The following CLNK variants were observed in gnomAD, a reference collection of about 807,000 sequenced individuals.
CLNK encodes cytokine dependent hematopoietic cell linker.
A neutral mutation model predicts 68.6 loss-of-function variants in CLNK; 74 were observed. The observed-to-expected ratio is 1.08, with a 90% CI of 0.89 to 1.31. The LOEUF (loss-of-function observed/expected upper bound fraction) is 1.31. CLNK is among the 50% of genes most tolerant of loss of function. The pLI is 0.00. For missense variants in CLNK, 553 were observed against 515.3 expected, an observed-to-expected ratio of 1.07 and a Z score of -0.71; for synonymous variants, 198 against 172.2, an observed-to-expected ratio of 1.15 and a Z score of -1.17.
intron 4 of CLNK, among the ~76,000 whole-genome samples, chr4:10,575,004 C>T (rs1310750545): frequency 6.6e-6 from 1 of 152,146 alleles, no homozygotes; most frequent in Non-Finnish European, 1.5e-5. Context: ...TGAGTCTTGC[C>T]AAAACTCCTG....
At chr4:10,520,451 G>A (rs753763840) in intron 15 of CLNK, among the ~76,000 whole-genome samples, 9 of 152,146 alleles carry the variant, frequency 5.9e-5, no homozygotes, top group Middle Eastern at 3.2e-3. Flanking sequence ...TGTCTACTTC[G>A]GAAAACACAT....
chr4:10,598,122 A>C, intron 2 of CLNK, 73 bp from the exon 3 acceptor site: 2 of 1,013,964 alleles, frequency 2.0e-6, no homozygotes, highest in South Asian at 2.9e-5. Context: ...AAGTGCATTC[A>C]TTCATAGAAA....
chr4:10,593,390 C>G (rs908098389), intron 3 of CLNK, among the ~76,000 whole-genome samples: 1 of 152,090 alleles, frequency 6.6e-6, no homozygotes, highest in Non-Finnish European at 1.5e-5. Flanking sequence ...CACGGTGGCT[C>G]ATGCCTGTCA....
chr4:10,553,618 A>T (rs562148434), intron 8 of CLNK, among the ~76,000 whole-genome samples: 2 of 151,850 alleles, frequency 1.3e-5, no homozygotes, highest in Admixed American at 6.6e-5. Flanking sequence ...CGCCCAGCTA[A>T]TTTTTTTATA....
intron 8 of CLNK, among the ~76,000 whole-genome samples, chr4:10,549,149 C>G (rs973948998): frequency 3.3e-5 from 5 of 152,132 alleles, no homozygotes; most frequent in African/African-American, 1.2e-4. Flanking sequence ...CAAAAATCCA[C>G]GGGGATTTCA....
intron 16 of CLNK, among the ~76,000 whole-genome samples, chr4:10,511,251 G>A (rs1053304123): frequency 6.6e-6 from 1 of 152,098 alleles, no homozygotes; most frequent in Non-Finnish European, 1.5e-5. Context: ...ACCCCCTTGG[G>A]CACATGTTCT....
At chr4:10,611,139 G>A (rs1721999639) in intron 2 of CLNK, among the ~76,000 whole-genome samples, 1 of 152,200 alleles carries the variant, frequency 6.6e-6, no homozygotes, top group African/African-American at 2.4e-5. Context: ...CCAACATGGT[G>A]AAACCCCGTC....
intron 2 of CLNK, among the ~76,000 whole-genome samples, chr4:10,652,412 A>AAAAAAAAAAAAT (rs1723780517): frequency 6.6e-6 from 1 of 151,390 alleles, no homozygotes; most frequent in Non-Finnish European, 1.5e-5. Context: ...AAGGAAAAAA[A>AAAAAAAAAAAAT]AGACATCTGT....
chr4:10,702,084 G>A, the CLNK span, among the ~76,000 whole-genome samples: 23 of 152,268 alleles, frequency 1.5e-4, no homozygotes, highest in East Asian at 9.7e-4. Flanking sequence ...ATGTAAAGAC[G>A]TCCCTAGTTT....
rs79240047 is a variant in CLNK, at chr4:10,621,163, G to A, written c.12-23114C>T. ...CTCAGTCACCAAGAGGTAAGTGGCCGCTGCAGGCCAGACACTTCTGTTTGG... is the reference window on the plus strand; with the variant it reads ...CTCAGTCACCAAGAGGTAAGTGGCCACTGCAGGCCAGACACTTCTGTTTGG... On this transcript the variant is annotated intron_variant, in intron 2 of 18. Coordinates refer to ENST00000226951, the MANE Select transcript of CLNK (RefSeq NM_052964.4). Among the ~76,000 whole-genome samples, 487 of 152,226 alleles carry A rather than the reference G, an allele frequency of 3.2e-3. 1 individual carries two copies. Among genetic ancestry groups the A allele is most frequent in the Non-Finnish European group, 5.3e-3 (359 of 68,014 alleles).
intron 18 of CLNK, among the ~76,000 whole-genome samples, chr4:10,492,027 T>C (rs1262388813): frequency 1.3e-5 from 2 of 152,146 alleles, no homozygotes; most frequent in African/African-American, 4.8e-5. Context: ...TATTGGGAGA[T>C]AATTAGGAAG....
chr4:10,524,816 G>C (rs560445675), intron 14 of CLNK, among the ~76,000 whole-genome samples: 1 of 152,130 alleles, frequency 6.6e-6, no homozygotes, highest in Non-Finnish European at 1.5e-5. Flanking sequence ...GAGCAAATAC[G>C]GGGGGAGGGG....
At chr4:10,524,578 G>A (rs1468185625) in intron 14 of CLNK, among the ~76,000 whole-genome samples, 3 of 152,132 alleles carry the variant, frequency 2.0e-5, no homozygotes, top group African/African-American at 7.2e-5. Context: ...GGATAGTCAG[G>A]ATTTATGGGC....
intron 2 of CLNK, among the ~76,000 whole-genome samples, chr4:10,640,436 G>C (rs1210685074): frequency 6.6e-6 from 1 of 152,226 alleles, no homozygotes; most frequent in Non-Finnish European, 1.5e-5. Context: ...AGAGTGCTGG[G>C]ATTACAGGCG....
intron 11 of CLNK, among the ~76,000 whole-genome samples, chr4:10,537,651 CTT>C: frequency 4.0e-5 from 2 of 50,476 alleles, no homozygotes; most frequent in Non-Finnish European, 7.4e-5. Context: ...TTCTTTCTTT[CTT>C]TCTTTCTTTC....
chr4:10,569,528 G>C (rs1400551801), intron 5 of CLNK, among the ~76,000 whole-genome samples: 2 of 152,100 alleles, frequency 1.3e-5, no homozygotes, highest in Non-Finnish European at 2.9e-5. Context: ...ATAAACCTCT[G>C]TTGTTTGAGC....
chr4:10,566,747 G>A (rs542563129), intron 5 of CLNK, among the ~76,000 whole-genome samples: 149 of 152,272 alleles, frequency 9.8e-4, no homozygotes, highest in Middle Eastern at 3.4e-3. Context: ...GCTTTGGGAG[G>A]CTGAGGTAGG....
intron 13 of CLNK, among the ~76,000 whole-genome samples, chr4:10,527,155 G>C (rs1263809996): frequency 6.6e-6 from 1 of 152,210 alleles, no homozygotes; most frequent in Non-Finnish European, 1.5e-5. Flanking sequence ...CCACATTGTT[G>C]TGTTAATAAT....
At chr4:10,712,107 G>C in the CLNK span, among the ~76,000 whole-genome samples, 4 of 152,312 alleles carry the variant, frequency 2.6e-5, no homozygotes, top group East Asian at 7.7e-4. Context: ...CATCAGAGGA[G>C]AGTATAAGGA....
Sources: allele counts gnomAD v4.1 joint callset (sites outside exome capture counted in the v4.1 genomes callset), GRCh38; gene constraint gnomAD v4.1.1; transcripts MANE v1.5; gene names NCBI Gene and HGNC (gene_info 2026-07-23, HGNC 2026-07-21).